The following CASP5 variants were observed in gnomAD, a reference collection of about 807,000 sequenced individuals.
The protein encoded by CASP5 is caspase 5, also known as caspase-5.
In CASP5, 42 loss-of-function variants were observed where a neutral mutation model predicts 45.2. The ratio of observed to expected loss-of-function variants is 0.93; its 90% CI spans 0.73 to 1.20. CASP5 has a LOEUF of 1.20. Among genes scored for constraint, CASP5 ranks in the 50% most tolerant of loss-of-function variants. CASP5 has a pLI of 0.00. For missense variants in CASP5, 512 were observed against 532.2 expected, an observed-to-expected ratio of 0.96 and a Z score of 0.37; for synonymous variants, 209 against 186.2, an observed-to-expected ratio of 1.12 and a Z score of -1.00.
At chr11:105,009,898 CATATATATACACAT>C (rs1862243356) in intron 1 of CASP5, among the ~76,000 whole-genome samples, 4 of 133,114 alleles carry the variant, frequency 3.0e-5, no homozygotes, top group East Asian at 2.1e-4. Flanking sequence ...CACATATATA[CATATATATACACAT>C]ATATATATAC....
intron 1 of CASP5, among the ~76,000 whole-genome samples, chr11:105,016,425 C>G (rs1007348257): frequency 6.6e-6 from 1 of 152,158 alleles, no homozygotes; most frequent in Non-Finnish European, 1.5e-5. Context: ...GAGTGCCAGA[C>G]AGTGGGCGCA....
intron 1 of CASP5, among the ~76,000 whole-genome samples, chr11:105,010,688 T>G (rs1386261146): frequency 6.6e-6 from 1 of 151,392 alleles, no homozygotes; most frequent in Non-Finnish European, 1.5e-5. Context: ...TGAATTAGGG[T>G]TCAAATCCTA....
chr11:105,017,810 A>C (rs1591178392), intron 1 of CASP5, among the ~76,000 whole-genome samples: 1 of 152,090 alleles, frequency 6.6e-6, no homozygotes, highest in African/African-American at 2.4e-5. Context: ...AGAGAATGCC[A>C]CAAAGATACT....
At chr11:105,020,906 C>G (rs572486521) in intron 1 of CASP5, among the ~76,000 whole-genome samples, 5 of 152,208 alleles carry the variant, frequency 3.3e-5, no homozygotes, top group Non-Finnish European at 4.4e-5. Flanking sequence ...TGACTTCAAA[C>G]TATACTACAA....
intron 1 of CASP5, among the ~76,000 whole-genome samples, chr11:105,022,450 C>T (rs1283964909): frequency 6.6e-6 from 1 of 152,054 alleles, no homozygotes; most frequent in African/African-American, 2.4e-5. Context: ...ATATGACCTG[C>T]TGGAATACGA....
At chr11:105,010,095 C>A (rs554106075) in intron 1 of CASP5, among the ~76,000 whole-genome samples, 3 of 150,528 alleles carry the variant, frequency 2.0e-5, no homozygotes, top group African/African-American at 7.3e-5. Context: ...AGCTTTCACA[C>A]AAAATACATT....
At chr11:105,020,263 C>T (rs1279127246) in intron 1 of CASP5, among the ~76,000 whole-genome samples, 1 of 151,424 alleles carries the variant, frequency 6.6e-6, no homozygotes, top group Non-Finnish European at 1.5e-5. Flanking sequence ...GGGATGCCCT[C>T]TCTCACCACT....
intron 3 of CASP5, among the ~76,000 whole-genome samples, chr11:105,004,534 T>A (rs3181175): frequency 6.6e-6 from 1 of 152,002 alleles, no homozygotes; most frequent in African/African-American, 2.4e-5. Flanking sequence ...AATGGACAAG[T>A]ATACTTTTAT....
At chr11:104,996,735 A>G (rs1591149917) in intron 8 of CASP5, among the ~76,000 whole-genome samples, 1 of 152,276 alleles carries the variant, frequency 6.6e-6, no homozygotes, top group South Asian at 2.1e-4. Context: ...CAGGTAAAAA[A>G]CAGACACATA....
chr11:105,009,644 G>C (rs1862170910), intron 1 of CASP5, among the ~76,000 whole-genome samples: 1 of 144,262 alleles, frequency 6.9e-6, no homozygotes. Context: ...TATTATGGTA[G>C]ATTAATATAA....
chr11:104,995,909 A>G, intron 8 of CASP5, 67 bp from the exon 9 acceptor site: 1 of 1,004,658 alleles, frequency 1.0e-6, no homozygotes, highest in Admixed American at 1.9e-5. Flanking sequence ...TTACACCATG[A>G]ACCAGGAAAT....
Position 104,995,847 on chromosome 11 carries a change from A to G in CASP5, c.1207-5T>C. On this transcript the variant is annotated splice_region_variant and splice_polypyrimidine_tract_variant and intron_variant, in intron 8 of 9. Coordinates refer to ENST00000260315, the MANE Select transcript of CASP5 (RefSeq NM_004347.5). ...AACTTCAAATGATTTCTGTACCTAA[A>G]AGAAAAAACAGTAGATGAGATATGA... The G allele has an allele frequency of 6.3e-7, 1 of 1,590,736 alleles. No homozygotes were observed. The highest frequency in any genetic ancestry group is 1.1e-5 in the South Asian group (1 of 90,338).
chr11:105,009,746 T>TACAC (rs1565387896), intron 1 of CASP5, among the ~76,000 whole-genome samples: 15 of 65,968 alleles, frequency 2.3e-4, no homozygotes, highest in South Asian at 8.8e-4. Flanking sequence ...TATATATATA[T>TACAC]ATATATATAT....
intron 2 of CASP5, among the ~76,000 whole-genome samples, chr11:105,008,541 T>C (rs989978249): frequency 2.6e-5 from 4 of 152,036 alleles, no homozygotes; most frequent in Admixed American, 2.6e-4. Context: ...AGATTTAGGT[T>C]TGAATATGTC....
At chr11:105,019,839 C>G (rs911075522) in intron 1 of CASP5, among the ~76,000 whole-genome samples, 3 of 141,322 alleles carry the variant, frequency 2.1e-5, no homozygotes, top group Admixed American at 7.6e-5. Context: ...CAAAGCCGGG[C>G]AGAGACACAA....
chr11:105,023,090 T>C, intron 1 of CASP5, 40 bp downstream of exon 1: 3 of 1,547,696 alleles, frequency 1.9e-6, no homozygotes, highest in Non-Finnish European at 2.6e-6. Context: ...TTCTAAGACC[T>C]GAGTACCCAG....
intron 9 of CASP5, chr11:104,995,132 TG>T (rs1159312209): frequency 6.6e-6 from 1 of 152,168 alleles, no homozygotes; most frequent in Non-Finnish European, 1.5e-5. Context: ...TCTGGCTCTG[TG>T]AAGGGTCTGT....
At chr11:105,016,127 C>G (rs1258225159) in intron 1 of CASP5, among the ~76,000 whole-genome samples, 1 of 152,184 alleles carries the variant, frequency 6.6e-6, no homozygotes, top group African/African-American at 2.4e-5. Flanking sequence ...AGTTAACTAA[C>G]TGACCACCTT....
In CASP5 at chr11:105,007,111, A is replaced by G; in HGVS notation, c.405T>C (p.Asn135=). 1 of 1,613,588 alleles carries G rather than the reference A, an allele frequency of 6.2e-7. No individual in the cohort carries two copies. Among genetic ancestry groups the G allele is most frequent in the South Asian group, 1.1e-5 (1 of 90,990 alleles). ...AHQMFTQTLL[N]MDQKITSVKP... ...TTACACTGGTGATCTTTTGGTCCAT[A>G]TTGAGAAGTGTTTGGGTAAACATTT... The change falls in exon 3 of 10, where the codon AAT becomes AAC. Residue 135 remains asparagine (N), a synonymous_variant. Coordinates refer to ENST00000260315, the MANE Select transcript of CASP5 (RefSeq NM_004347.5).
Sources: gnomAD v4.1 joint callset for allele counts (sites outside exome capture counted in the v4.1 genomes callset) on GRCh38, gnomAD v4.1.1 for gene constraint, MANE v1.5 for transcripts, NCBI Gene and HGNC (gene_info 2026-07-23, HGNC 2026-07-21) for gene names.